The following CDK13 variants were observed in gnomAD, a reference collection of about 807,000 sequenced individuals.
CDK13 encodes cyclin dependent kinase 13, also known as cyclin-dependent kinase 13.
Under a neutral mutation model 137.6 loss-of-function variants are expected in CDK13, and 40 were observed. The observed-to-expected ratio is 0.29, with a 90% CI of 0.23 to 0.38. The LOEUF (loss-of-function observed/expected upper bound fraction) is 0.38. Ranked by LOEUF, CDK13 falls within the 10% of genes least tolerant of loss-of-function variation. CDK13 has a pLI of 1.00. For synonymous variants in CDK13, 869 were observed against 760.1 expected (o/e 1.14, Z -2.36); for missense variants, 1,704 against 1,951.8 (o/e 0.87, Z 2.39).
chr7:40,021,387 T>A (rs1562733387), intron 5 of CDK13, among the ~76,000 whole-genome samples: 1 of 151,784 alleles, frequency 6.6e-6, no homozygotes, highest in South Asian at 2.1e-4. Flanking sequence ...TTCCAGCTAC[T>A]TGGGAGGCTG....
chr7:39,965,781 C>T (rs1313161886), intron 1 of CDK13, among the ~76,000 whole-genome samples: 1 of 152,100 alleles, frequency 6.6e-6, no homozygotes, highest in Non-Finnish European at 1.5e-5. Flanking sequence ...ATGTTTAGTG[C>T]TTCCTTCAGG....
At chr7:40,008,770 A>G (rs925932034) in intron 5 of CDK13, among the ~76,000 whole-genome samples, 3 of 152,182 alleles carry the variant, frequency 2.0e-5, no homozygotes, top group African/African-American at 4.8e-5. Context: ...TTCCAGCAGC[A>G]TGTTAAGGCA....
intron 2 of CDK13, 58 bp from the exon 3 acceptor site, chr7:39,997,436 A>G (rs1029121735): frequency 4.7e-6 from 6 of 1,271,980 alleles, no homozygotes; most frequent in African/African-American, 1.5e-5. Context: ...AGTCATAAGC[A>G]TATTTTTATT....
chr7:40,007,019 A>G (rs1185168097), intron 5 of CDK13, among the ~76,000 whole-genome samples: 1 of 152,190 alleles, frequency 6.6e-6, no homozygotes. Context: ...GTAGAATCCT[A>G]AAACTATGAA....
intron 5 of CDK13, chr7:40,002,385 T>G (rs1417679450): frequency 6.3e-6 from 1 of 159,526 alleles, no homozygotes; most frequent in East Asian, 1.8e-4. Context: ...CCTTAACATA[T>G]AAGGAAACTT....
At chr7:40,025,068 A>G (rs370864858) in intron 5 of CDK13, among the ~76,000 whole-genome samples, 7 of 152,128 alleles carry the variant, frequency 4.6e-5, no homozygotes, top group Non-Finnish European at 7.3e-5. Context: ...AGGTATCTCA[A>G]TGTTCATATT....
rs1453728935 is a variant in CDK13, at chr7:39,956,817, C to T, written c.1211+4965C>T. Among the ~76,000 whole-genome samples the T allele has an allele frequency of 3.9e-5, 6 of 152,264 alleles. No homozygotes were observed. The East Asian group carries it at 1.2e-3, about 29-fold the overall frequency. On this transcript the variant is annotated intron_variant, in intron 1 of 13. Coordinates refer to ENST00000181839, the MANE Select transcript of CDK13 (RefSeq NM_003718.5). ...GCTCTGACTTGTCTTGAACTCCTGG[C>T]CTCAGACAATCCTCCCGCCTGGGCC... is the stretch of plus-strand genomic sequence containing the variant.
chr7:40,016,840 A>C (rs185967279), intron 5 of CDK13, among the ~76,000 whole-genome samples: 2 of 152,296 alleles, frequency 1.3e-5, no homozygotes, highest in Admixed American at 6.5e-5. Flanking sequence ...TGTTTTAAAA[A>C]ATTTTTCTCG....
chr7:40,037,584 C>T (rs1160553625), intron 5 of CDK13, among the ~76,000 whole-genome samples: 9 of 152,300 alleles, frequency 5.9e-5, no homozygotes, highest in South Asian at 4.1e-4. Context: ...TCACACAGAC[C>T]GTCCTTGAAT....
chr7:40,043,767 A>G (rs1785668296), intron 5 of CDK13, among the ~76,000 whole-genome samples: 1 of 151,886 alleles, frequency 6.6e-6, no homozygotes, highest in Non-Finnish European at 1.5e-5. Flanking sequence ...GGTCAGGGAT[A>G]TAGTGAGTTG....
chr7:40,038,186 T>C (rs1785526750), intron 5 of CDK13, among the ~76,000 whole-genome samples: 1 of 152,184 alleles, frequency 6.6e-6, no homozygotes. Flanking sequence ...TTTGTACATA[T>C]TCACATTCCT....
chr7:39,958,194 C>A (rs1787482399), intron 1 of CDK13, among the ~76,000 whole-genome samples: 6 of 148,718 alleles, frequency 4.0e-5, no homozygotes, highest in African/African-American at 1.5e-4. Flanking sequence ...TGAGAGGAAC[C>A]GAAAATGGTA....
rs999291073 is a variant in CDK13, at chr7:39,950,892, GC to G, written c.257del (p.Pro86LeufsTer55). On this transcript the variant is annotated frameshift_variant, in exon 1 of 14. Coordinates refer to ENST00000181839, the MANE Select transcript of CDK13 (RefSeq NM_003718.5). LOFTEE classifies it high-confidence loss of function. ...GCCTCCTCCTCTTGCTTCAGCCCGGGCCCCCCTCTGGAGGTCAAGCGGCTGG... is the reference window on the plus strand; with the variant it reads ...GCCTCCTCCTCTTGCTTCAGCCCGGGCCCCCTCTGGAGGTCAAGCGGCTGG... ...AAASSSCFSP[G>X]PPLEVKRLAR... 2 of 1,350,620 alleles carry G rather than the reference GC, an allele frequency of 1.5e-6. No individual in the cohort carries two copies. Among genetic ancestry groups the G allele is most frequent in the South Asian group, 1.9e-5 (1 of 52,408 alleles). 83.7% of individuals were successfully genotyped at this position (1,350,620 alleles called of 1,614,324 possible). A position where few individuals can be genotyped will look rare whatever the true frequency, so the allele number is the denominator to read the frequency against.
chr7:40,003,138 C>T (rs1244906885), intron 5 of CDK13, among the ~76,000 whole-genome samples: 1 of 146,322 alleles, frequency 6.8e-6, no homozygotes, highest in African/African-American at 2.5e-5. Context: ...TACTTAGACT[C>T]CTGTCTTCCC....
intron 1 of CDK13, among the ~76,000 whole-genome samples, chr7:39,963,603 G>T (rs933857058): frequency 6.6e-6 from 1 of 152,136 alleles, no homozygotes; most frequent in Non-Finnish European, 1.5e-5. Flanking sequence ...TTTCCTAATT[G>T]AATACCCTTT....
intron 7 of CDK13, among the ~76,000 whole-genome samples, chr7:40,057,921 AGTTAT>A (rs1202725550): frequency 6.6e-6 from 1 of 152,100 alleles, no homozygotes; most frequent in Non-Finnish European, 1.5e-5. Flanking sequence ...ATTGTTATGT[AGTTAT>A]GTTATATGAA....
intron 1 of CDK13, among the ~76,000 whole-genome samples, chr7:39,959,224 C>T (rs538817972): frequency 1.1e-4 from 16 of 150,814 alleles, no homozygotes; most frequent in South Asian, 4.2e-4. Context: ...TGGAATGGTG[C>T]GATCTCGGCT....
At chr7:40,012,560 A>G (rs1323544389) in intron 5 of CDK13, among the ~76,000 whole-genome samples, 2 of 152,096 alleles carry the variant, frequency 1.3e-5, no homozygotes, top group African/African-American at 4.8e-5. Flanking sequence ...TGATCACTCC[A>G]TTGCACTTCA....
chr7:40,065,509 G>A (rs920837258), intron 9 of CDK13, among the ~76,000 whole-genome samples: 2 of 151,988 alleles, frequency 1.3e-5, no homozygotes, highest in African/African-American at 2.4e-5. Flanking sequence ...AATATTTTAA[G>A]AAAGTATGAA....
Sources: gnomAD v4.1 joint callset for allele counts (sites outside exome capture counted in the v4.1 genomes callset) on GRCh38, gnomAD v4.1.1 for gene constraint, MANE v1.5 for transcripts, NCBI Gene and HGNC (gene_info 2026-07-23, HGNC 2026-07-21) for gene names.